NUP160: variants seen among roughly 807,000 people sequenced by gnomAD.
NUP160 encodes the protein nucleoporin 160.
NUP160 carries 94 observed loss-of-function variants against 196.9 expected under a neutral mutation model. The observed-to-expected ratio is 0.48, with a 90% CI of 0.40 to 0.57. NUP160 has a LOEUF of 0.57. NUP160 is among the 20% of genes least tolerant of loss of function. The pLI is 0.00. For missense variants in NUP160, 1,638 were observed against 1,748.3 expected (o/e 0.94, Z 1.13); for synonymous variants, 605 against 619.7 (o/e 0.98, Z 0.35).
At chr11:47,792,601 G>C (rs2097668492) in intron 28 of NUP160, 185 bp downstream of exon 28, 1 of 560,450 alleles carries the variant, frequency 1.8e-6, no homozygotes, top group Non-Finnish European at 3.0e-6. Flanking sequence ...TTCTGAACTT[G>C]AAAACTAAAG....
intron 7 of NUP160, 133 bp downstream of exon 7, chr11:47,835,518 C>G (rs1316861711): frequency 1.7e-6 from 1 of 594,786 alleles, no homozygotes; most frequent in Non-Finnish European, 2.7e-6. Context: ...CATAGTAGCA[C>G]GAAACCCAAC....
At chr11:47,782,941 G>A (rs2097662337) in intron 34 of NUP160, 132 bp downstream of exon 34, 4 of 777,522 alleles carry the variant, frequency 5.1e-6, no homozygotes, top group African/African-American at 1.8e-5. Context: ...TTATAGGCAT[G>A]AGTCACTGTG....
At chr11:47,796,152 T>TCAA (rs767511118) in intron 27 of NUP160, 8 of 118,714 alleles carry the variant, frequency 6.7e-5, no homozygotes, top group South Asian at 2.1e-4. Context: ...AGACTTCATC[T>TCAA]AAAAAAAAAA....
intron 33 of NUP160, among the ~76,000 whole-genome samples, chr11:47,784,019 AAAAC>A (rs2097663049): frequency 6.6e-6 from 1 of 151,948 alleles, no homozygotes; most frequent in East Asian, 1.9e-4. Flanking sequence ...AAAAAAAACA[AAAAC>A]AAAAACAAAA....
chr11:47,810,970 C>T (rs2097680778), intron 17 of NUP160, among the ~76,000 whole-genome samples: 1 of 152,086 alleles, frequency 6.6e-6, no homozygotes, highest in African/African-American at 2.4e-5. Context: ...TAATTAGATT[C>T]CTTCTTTGAC....
In NUP160 at chr11:47,813,019, A is replaced by T. The variant is rs1398672355; in HGVS notation, c.1815T>A (p.Cys605Ter). 2.5e-6 allele frequency: 4 copies of T among 1,610,898 alleles called. No homozygotes were observed. Among genetic ancestry groups the T allele is most frequent in the Non-Finnish European group, 3.4e-6 (4 of 1,177,910 alleles). Reference sequence around the variant, plus strand: ...CAATCAGCCGGAGGCATTTTATAAGACATATGACATCCCGAGCGATGTCCA... The same window carrying T: ...CAATCAGCCGGAGGCATTTTATAAGTCATATGACATCCCGAGCGATGTCCA... The change falls in exon 15 of 36, where the codon TGT becomes TGA. Residue 605 changes from cysteine to a stop codon, truncating the protein, a stop_gained. Coordinates refer to ENST00000378460, the Ensembl canonical transcript of NUP160. LOFTEE classifies it high-confidence loss of function.
At chr11:47,781,062 T>C (rs893452221) in intron 34 of NUP160, among the ~76,000 whole-genome samples, 2 of 151,544 alleles carry the variant, frequency 1.3e-5, no homozygotes, top group African/African-American at 4.8e-5. Flanking sequence ...CCGTCTCTAC[T>C]AAAAATACAA....
intron 7 of NUP160, among the ~76,000 whole-genome samples, chr11:47,830,128 A>C (rs1852044980): frequency 1.3e-5 from 2 of 152,186 alleles, no homozygotes; most frequent in African/African-American, 4.8e-5. Flanking sequence ...ACTATCACTG[A>C]TCATTAGAGA....
At chr11:47,799,634 C>A (rs569339674) in intron 23 of NUP160, among the ~76,000 whole-genome samples, 1 of 152,048 alleles carries the variant, frequency 6.6e-6, no homozygotes, top group Non-Finnish European at 1.5e-5. Context: ...TAGCCTTGAC[C>A]TCCTGGGCTC....
At position 47,813,100 on chromosome 11, in the gene NUP160, G is replaced by T. The variant is rs1565198379; in HGVS notation, c.1787-53C>A. On this transcript the variant is annotated intron_variant, in intron 14 of 35. Coordinates refer to ENST00000378460, the Ensembl canonical transcript of NUP160. ...TGTCTTAAGCCAATGACAATCTATT[G>T]ATTGATATTACATTAAAATGTTAAT... 3.5e-5 allele frequency: 44 copies of T among 1,267,288 alleles called. 1 individual carries two copies. In the South Asian group the frequency reaches 5.4e-4, roughly 16 times the overall value. The allele number at this position is 1,267,288 out of a possible 1,614,324, so 78.5% of individuals were successfully genotyped here. A position where few individuals can be genotyped will look rare whatever the true frequency, so the allele number is the denominator to read the frequency against.
intron 7 of NUP160, among the ~76,000 whole-genome samples, chr11:47,832,254 G>A (rs1352326389): frequency 2.0e-5 from 3 of 152,052 alleles, no homozygotes; most frequent in Non-Finnish European, 4.4e-5. Context: ...TCCTGAGCAT[G>A]GGCAAGGCTC....
In NUP160 at chr11:47,848,164, T is replaced by G. The variant is rs115852103; in HGVS notation, c.202+55A>C. On this transcript the variant is annotated intron_variant, in intron 1 of 35. Transcript: ENST00000378460. ...AGGGCGTCAGGGACCCTGGGACCCA[T>G]GAGAGGAGCCCGAGGGGACAGATGG... is the stretch of plus-strand genomic sequence containing the variant. 5.7e-6 allele frequency: 9 copies of G among 1,590,076 alleles called. No homozygotes were observed. In the African/African-American group the frequency reaches 6.7e-5, roughly 12 times the overall value.
chr11:47,836,093 C>A (rs1852168393), intron 6 of NUP160, among the ~76,000 whole-genome samples: 1 of 152,088 alleles, frequency 6.6e-6, no homozygotes. Flanking sequence ...CTAAAAAATA[C>A]AAAAATTAGC....
At chr11:47,782,303 AATATATATAT>A (rs10529981) in intron 34 of NUP160, among the ~76,000 whole-genome samples, 48 of 40,458 alleles carry the variant, frequency 1.2e-3, no homozygotes, top group Middle Eastern at 0.011. Context: ...AAAAAAAAAA[AATATATATAT>A]ATATATATAT....
intron 7 of NUP160, among the ~76,000 whole-genome samples, chr11:47,826,712 G>A (rs561389404): frequency 2.0e-5 from 3 of 152,060 alleles, no homozygotes; most frequent in South Asian, 4.1e-4. Context: ...AAAGATGCCC[G>A]CCACCACGCT....
chr11:47,821,688 G>C (rs779058961), intron 9 of NUP160, 36 bp downstream of exon 9: 1 of 1,482,312 alleles, frequency 6.7e-7, no homozygotes, highest in African/African-American at 1.4e-5. Flanking sequence ...AAATTGCTTG[G>C]GGTGAGGTAG....
intron 34 of NUP160, among the ~76,000 whole-genome samples, chr11:47,782,302 AAATATATATATATATATATATATATATAT>A (rs1403559677): frequency 9.4e-5 from 4 of 42,602 alleles, no homozygotes; most frequent in East Asian, 1.5e-3. Context: ...AAAAAAAAAA[AAATATATATATATATATATATATATATAT>A]ATATATATAT....
chr11:47,844,925 C>T lies in NUP160; in HGVS notation c.314+2923G>A, dbSNP rs555733541. ...CCAAAACCCACCAAAACCAAAATGG[C>T]GACAAGGGTGACCTCCAGTTGTCCT... On this transcript the variant is annotated intron_variant, in intron 2 of 35. Transcript: ENST00000378460. Among the ~76,000 whole-genome samples, 5 of 152,134 alleles carry T rather than the reference C, an allele frequency of 3.3e-5. No homozygotes were observed. In the South Asian group the frequency reaches 6.2e-4, roughly 19 times the overall value.
At chr11:47,837,226 T>C (rs1852194915) in intron 5 of NUP160, among the ~76,000 whole-genome samples, 1 of 152,246 alleles carries the variant, frequency 6.6e-6, no homozygotes, top group Admixed American at 6.5e-5. Flanking sequence ...TTTCCTTTTA[T>C]ATTGTTTTCC....
Sources: gnomAD v4.1 joint callset for allele counts (sites outside exome capture counted in the v4.1 genomes callset) on GRCh38, gnomAD v4.1.1 for gene constraint, MANE v1.5 for transcripts, NCBI Gene and HGNC (gene_info 2026-07-23, HGNC 2026-07-21) for gene names.